Variants in ARHGAP32 observed in about 807,000 individuals in gnomAD.
ARHGAP32 encodes the protein rho GTPase-activating protein 32.
A neutral mutation model predicts 186.5 loss-of-function variants in ARHGAP32; 51 were observed. The observed-to-expected ratio is 0.27, with a 90% confidence interval of 0.22 to 0.35. ARHGAP32 has a LOEUF of 0.35. ARHGAP32 is among the 10% of genes least tolerant of loss of function. The pLI is 1.00. For missense variants in ARHGAP32, 2,186 were observed against 2,623.5 expected (o/e 0.83, Z 3.64); for synonymous variants, 950 against 964.3 (o/e 0.99, Z 0.27).
chr11:129,106,109 G>A (rs1052739382), intron 5 of ARHGAP32, among the ~76,000 whole-genome samples: 1 of 152,092 alleles, frequency 6.6e-6, no homozygotes, highest in African/African-American at 2.4e-5. Context: ...AAAGCAGTTT[G>A]GAGATATCTC....
At chr11:129,127,778 T>G (rs1002734915) in intron 2 of ARHGAP32, among the ~76,000 whole-genome samples, 8 of 72,846 alleles carry the variant, frequency 1.1e-4, no homozygotes, top group African/African-American at 4.2e-4. Context: ...ATAACAAGTT[T>G]TCCTATTTTC....
chr11:129,193,679 AT>A (rs1766868862), upstream of ARHGAP32, among the ~76,000 whole-genome samples: 1 of 47,876 alleles, frequency 2.1e-5, no homozygotes, highest in Non-Finnish European at 3.8e-5. Context: ...TATATAATAT[AT>A]AATATATATT....
intron 2 of ARHGAP32, among the ~76,000 whole-genome samples, chr11:129,145,164 T>C (rs1943142376): frequency 6.6e-6 from 1 of 152,132 alleles, no homozygotes; most frequent in African/African-American, 2.4e-5. Context: ...CAAAGGTTCC[T>C]ATGAAACTCT....
At chr11:129,118,678 C>G (rs1030250046) in intron 5 of ARHGAP32, among the ~76,000 whole-genome samples, 4 of 151,948 alleles carry the variant, frequency 2.6e-5, no homozygotes, top group Non-Finnish European at 4.4e-5. Context: ...AAGGTTTTAA[C>G]AGGAAAATTC....
intron 10 of ARHGAP32, among the ~76,000 whole-genome samples, chr11:129,041,492 T>TAAAAAAA (rs5795655): frequency 7.7e-6 from 1 of 130,388 alleles, no homozygotes; most frequent in Non-Finnish European, 1.6e-5. Flanking sequence ...CCAGGTTTCA[T>TAAAAAAA]AAAAAAAAAA....
chr11:129,143,607 G>A (rs1465422961), intron 2 of ARHGAP32, among the ~76,000 whole-genome samples: 2 of 152,102 alleles, frequency 1.3e-5, no homozygotes, highest in African/African-American at 4.8e-5. Flanking sequence ...ACGCTTCTTT[G>A]ACTTAATAAT....
intron 11 of ARHGAP32, among the ~76,000 whole-genome samples, chr11:129,009,267 T>A (rs897273345): frequency 1.3e-5 from 2 of 152,228 alleles, no homozygotes; most frequent in Non-Finnish European, 2.9e-5. Flanking sequence ...TCTGCTTTAG[T>A]AGAATAACAC....
chr11:129,129,750 A>C (rs1417938199), intron 2 of ARHGAP32, among the ~76,000 whole-genome samples: 1 of 152,210 alleles, frequency 6.6e-6, no homozygotes, highest in Non-Finnish European at 1.5e-5. Flanking sequence ...GATCTAATTC[A>C]CACTGCTACC....
At chr11:129,181,941 T>C (rs1266239729) in intron 1 of ARHGAP32, among the ~76,000 whole-genome samples, 4 of 152,158 alleles carry the variant, frequency 2.6e-5, no homozygotes, top group Admixed American at 6.6e-5. Context: ...GCTGCATATA[T>C]TCACACATAA....
chr11:128,993,467 CAATATTATATATACTG>C (rs1035142464), intron 12 of ARHGAP32: 1 of 151,464 alleles, frequency 6.6e-6, no homozygotes, highest in African/African-American at 2.4e-5. Context: ...TGATATATAT[CAATATTATATATACTG>C]TATGTGTCTC....
At chr11:129,085,490 T>C (rs909332334) in intron 6 of ARHGAP32, among the ~76,000 whole-genome samples, 2 of 152,206 alleles carry the variant, frequency 1.3e-5, no homozygotes, top group African/African-American at 4.8e-5. Flanking sequence ...AAATGTTGCA[T>C]GTTCATGAAT....
chr11:129,269,449 A>G (rs1945447507), intron 1 of ARHGAP32, among the ~76,000 whole-genome samples: 1 of 152,156 alleles, frequency 6.6e-6, no homozygotes, highest in Non-Finnish European at 1.5e-5. Context: ...GTACATGGCC[A>G]GGCGCCATAA....
intron 2 of ARHGAP32, among the ~76,000 whole-genome samples, chr11:129,141,590 G>A (rs1241541471): frequency 6.7e-6 from 1 of 149,536 alleles, no homozygotes; most frequent in Non-Finnish European, 1.5e-5. Flanking sequence ...CCTGCACGTT[G>A]TGCACATGTA....
intron 1 of ARHGAP32, among the ~76,000 whole-genome samples, chr11:129,254,985 A>G (rs1357297814): frequency 1.3e-5 from 2 of 152,262 alleles, no homozygotes; most frequent in East Asian, 3.8e-4. Context: ...CCAGTATTTC[A>G]GTCAGCTGGT....
intron 2 of ARHGAP32, among the ~76,000 whole-genome samples, chr11:129,155,696 G>A (rs904281965): frequency 6.8e-6 from 1 of 147,432 alleles, no homozygotes; most frequent in Non-Finnish European, 1.5e-5. Flanking sequence ...TAAAAGAAAT[G>A]TGTCAAAAAA....
At chr11:129,169,631 C>CAAA (rs35715241) in intron 1 of ARHGAP32, among the ~76,000 whole-genome samples, 28 of 75,144 alleles carry the variant, frequency 3.7e-4, no homozygotes, top group African/African-American at 6.5e-4. Flanking sequence ...GACTCTGTCT[C>CAAA]AAAAAAAAAA....
At chr11:129,277,486 C>T (rs1040355108) in intron 1 of ARHGAP32, among the ~76,000 whole-genome samples, 1 of 152,152 alleles carries the variant, frequency 6.6e-6, no homozygotes, top group Admixed American at 6.5e-5. Context: ...TCCTCTCTGT[C>T]CCACTTATGT....
intron 10 of ARHGAP32, among the ~76,000 whole-genome samples, chr11:129,059,594 G>A (rs1342249919): frequency 1.3e-5 from 2 of 149,646 alleles, no homozygotes; most frequent in Non-Finnish European, 3.0e-5. Context: ...CTACCTCCCG[G>A]GTTCAAGAGA....
At chr11:129,185,800 T>G (rs547165312) in intron 1 of ARHGAP32, among the ~76,000 whole-genome samples, 5 of 151,760 alleles carry the variant, frequency 3.3e-5, no homozygotes, top group Non-Finnish European at 7.4e-5. Flanking sequence ...GAACCATGAT[T>G]TAAAACACAA....
Sources: gnomAD v4.1 joint callset for allele counts (sites outside exome capture counted in the v4.1 genomes callset) on GRCh38, gnomAD v4.1.1 for gene constraint, MANE v1.5 for transcripts, NCBI Gene and HGNC (gene_info 2026-07-23, HGNC 2026-07-21) for gene names.